Variants in BAHCC1 observed in about 807,000 individuals in gnomAD.
BAHCC1 encodes BAH and coiled-coil domain-containing protein 1.
BAHCC1 carries 43 observed loss-of-function variants against 88.2 expected under a neutral mutation model. That is an observed-to-expected ratio of 0.49 (90% CI 0.38 to 0.63). The LOEUF (loss-of-function observed/expected upper bound fraction) is 0.63. Among genes scored for constraint, BAHCC1 ranks in the 20% least tolerant of loss-of-function variants. BAHCC1 has a pLI of 0.00. For missense variants in BAHCC1, 3,023 were observed against 1,654.8 expected, an observed-to-expected ratio of 1.83 and a Z score of -14.34; for synonymous variants, 1,510 against 745.5, an observed-to-expected ratio of 2.03 and a Z score of -16.71.
intron 2 of BAHCC1, among the ~76,000 whole-genome samples, chr17:81,410,635 G>A (rs1408423250): frequency 3.3e-5 from 5 of 152,208 alleles, no homozygotes; most frequent in African/African-American, 4.8e-5. Flanking sequence ...ACCACGGGCA[G>A]TGCAGACGCT....
intron 17 of BAHCC1, 68 bp downstream of exon 17, chr17:81,457,660 G>C: frequency 1.6e-6 from 1 of 643,062 alleles, no homozygotes; most frequent in Non-Finnish European, 2.9e-6. Flanking sequence ...TAGATAACCA[G>C]GAGGGAGGGC....
chr17:81,446,859 C>G (rs1037977093), intron 10 of BAHCC1, 177 bp from the exon 11 acceptor site: 11 of 669,888 alleles, frequency 1.6e-5, no homozygotes, highest in Non-Finnish European at 3.0e-5. Flanking sequence ...AGCCAGGTTG[C>G]CCCCTTAATT....
In BAHCC1 at chr17:81,411,094, C is replaced by T. The variant is rs1413359535; in HGVS notation, c.178+11177C>T. On this transcript the variant is annotated intron_variant, in intron 2 of 27. Transcript: ENST00000675386. The surrounding 1 kb of genome is among the most constrained non-coding windows in gnomAD (Gnocchi z 6.2). ...GGGTCCCTCTCTCTGGGGTCACGCT[C>T]CCTTGTTCTCAGTCCCGCAGCCGTC... 1 of 519,340 alleles carries T rather than the reference C, an allele frequency of 1.9e-6. No individual in the cohort carries two copies. The highest frequency in any genetic ancestry group is 5.5e-5 in the East Asian group (1 of 18,340). The allele number at this position is 519,340 out of a possible 1,614,324, so 32.2% of individuals were successfully genotyped here.
intron 2 of BAHCC1, among the ~76,000 whole-genome samples, chr17:81,404,442 T>C (rs1389404677): frequency 2.0e-5 from 3 of 152,218 alleles, no homozygotes; most frequent in East Asian, 3.8e-4. Flanking sequence ...GGTCTTGCCC[T>C]GGCCTGGGCC....
At chr17:81,396,269 G>A (rs904602089) in intron 1 of BAHCC1, 1 of 152,188 alleles carries the variant, frequency 6.6e-6, no homozygotes, top group Middle Eastern at 3.2e-3. Context: ...TCGGGTCTTC[G>A]TTCCCAATTC....
intron 2 of BAHCC1, among the ~76,000 whole-genome samples, chr17:81,413,923 T>C (rs782672905): frequency 6.6e-6 from 1 of 152,084 alleles, no homozygotes; most frequent in African/African-American, 2.4e-5. Flanking sequence ...CTGGGTGGGG[T>C]CCGCAGGTGC....
At position 81,447,442 on chromosome 17, in the gene BAHCC1, G is replaced by A. The variant is rs1014580174; in HGVS notation, c.3570G>A (p.Gly1190=). The change falls in exon 11 of 28, where the codon GGG becomes GGA. Residue 1190 remains glycine, a synonymous_variant. Transcript: ENST00000675386. ...GAGAAGAGAGGAGCAGGGAGGAGGG[G>A]GAGCAGGGGCCCTCGTCAGGGGCCT... ...GAREERSREE[G]EQGPSSGASS... 1.2e-5 allele frequency: 9 copies of A among 745,714 alleles called. No homozygotes were observed. The highest frequency in any genetic ancestry group is 1.0e-4 in the African/African-American group (6 of 58,524). The allele number at this position is 745,714 out of a possible 1,614,324, so 46.2% of individuals were successfully genotyped here.
intron 27 of BAHCC1, 107 bp downstream of exon 27, chr17:81,463,083 C>A (rs2030442074): frequency 1.5e-6 from 1 of 650,598 alleles, no homozygotes; most frequent in Admixed American, 2.4e-5. Flanking sequence ...CCCCACCACA[C>A]AGCCCCCGCT....
chr17:81,458,528 C>T (rs1555658112), intron 18 of BAHCC1, 62 bp downstream of exon 18: 3 of 652,556 alleles, frequency 4.6e-6, no homozygotes, highest in Non-Finnish European at 8.5e-6. Flanking sequence ...AAGGCCTTCC[C>T]CGCCCTCCCC....
intron 26 of BAHCC1, 51 bp downstream of exon 26, chr17:81,462,097 G>A: frequency 4.4e-6 from 3 of 685,238 alleles, no homozygotes; most frequent in East Asian, 5.0e-5. Flanking sequence ...GGAAACCGGG[G>A]CGGGCTCATG....
At chr17:81,400,976 A>G (rs1383584703) in intron 2 of BAHCC1, 1 of 152,460 alleles carries the variant, frequency 6.6e-6, no homozygotes, top group African/African-American at 2.4e-5. Context: ...TTTTGTTTAC[A>G]GTTTGTTCTA....
At chr17:81,455,109 G>A (rs1211649994) in intron 14 of BAHCC1, among the ~76,000 whole-genome samples, 158 bp from the exon 15 acceptor site, 4 of 152,170 alleles carry the variant, frequency 2.6e-5, no homozygotes, top group Admixed American at 2.6e-4. Context: ...GAGCTGGCTC[G>A]GCCCCCGGGG....
rs1267379681 is a variant in BAHCC1, at chr17:81,447,867, G to A, written c.3976+19G>A. On this transcript the variant is annotated intron_variant, in intron 11 of 27. Transcript: ENST00000675386. ...GTGCCAGGTAAGCCCGGTGGTTGCC[G>A]CCACCCCCCAGAGTCCCAGCAGTGG... 3 of 718,804 alleles carry A rather than the reference G, an allele frequency of 4.2e-6. No individual in the cohort carries two copies. Among genetic ancestry groups the A allele is most frequent in the Middle Eastern group, 2.3e-4 (1 of 4,352 alleles). The allele number at this position is 718,804 out of a possible 1,614,324, so 44.5% of individuals were successfully genotyped here. A position where few individuals can be genotyped will look rare whatever the true frequency, so the allele number is the denominator to read the frequency against.
chr17:81,451,714 G>A lies in BAHCC1; in HGVS notation c.4023G>A (p.Thr1341=), dbSNP rs117085423. Reference sequence around the variant, plus strand: ...CCTTCAACCTGCAGCACCTGGCCACGCTGGCCACAGCCTGGTCCCTGGTGG... The same window carrying A: ...CCTTCAACCTGCAGCACCTGGCCACACTGGCCACAGCCTGGTCCCTGGTGG... ...VLAFNLQHLA[T]LATAWSLVEA... is the part of the protein sequence containing the mutation. Residue 1341 remains threonine, a synonymous_variant, in exon 12 of 28, where the codon ACG becomes ACA. Coordinates refer to ENST00000675386, the MANE Select transcript of BAHCC1 (RefSeq NM_001377448.1). 870 of 776,610 alleles carry A rather than the reference G, an allele frequency of 1.1e-3. No homozygotes were observed. Among genetic ancestry groups the A allele is most frequent in the Admixed American group, 2.1e-3 (124 of 58,946 alleles). The allele number at this position is 776,610 out of a possible 1,614,324, so 48.1% of individuals were successfully genotyped here.
rs541883433 is a variant in BAHCC1, at chr17:81,437,074, G to A, written c.359-1296G>A. Among the ~76,000 whole-genome samples the A allele has an allele frequency of 6.7e-3, 1,023 of 152,332 alleles. 7 individuals are homozygous for A. The highest frequency in any genetic ancestry group is 0.012 in the Non-Finnish European group (836 of 68,022). On this transcript the variant is annotated intron_variant, in intron 3 of 27. Transcript: ENST00000675386. Reference sequence around the variant, plus strand: ...CTGCTGGGGGACCCACTGGGATTGCGGTGTGGGGTGCCCCAGTTGGACTAG... The same window carrying A: ...CTGCTGGGGGACCCACTGGGATTGCAGTGTGGGGTGCCCCAGTTGGACTAG...
At chr17:81,448,043 G>T (rs1341793319) in intron 11 of BAHCC1, among the ~76,000 whole-genome samples, 195 bp downstream of exon 11, 1 of 152,192 alleles carries the variant, frequency 6.6e-6, no homozygotes, top group Admixed American at 6.5e-5. Context: ...TGCCATCTCC[G>T]AATCTCTCCG....
At chr17:81,429,132 G>A (rs2064232551) in intron 3 of BAHCC1, among the ~76,000 whole-genome samples, 3 of 152,188 alleles carry the variant, frequency 2.0e-5, no homozygotes, top group Admixed American at 2.0e-4. Context: ...AGGTGGGGGT[G>A]GGCACGTGTG....
At chr17:81,418,075 C>T (rs1046705821) in intron 2 of BAHCC1, among the ~76,000 whole-genome samples, 3 of 152,242 alleles carry the variant, frequency 2.0e-5, no homozygotes, top group African/African-American at 7.2e-5. Context: ...GCCAAGGCAC[C>T]CTCAGACACT....
intron 4 of BAHCC1, among the ~76,000 whole-genome samples, chr17:81,441,407 A>C (rs1555652482): frequency 2.6e-5 from 4 of 152,216 alleles, no homozygotes; most frequent in Non-Finnish European, 1.5e-5. Flanking sequence ...TCACGCCTGT[A>C]ATCCCAGTAC....
Sources: allele counts gnomAD v4.1 joint callset (sites outside exome capture counted in the v4.1 genomes callset), GRCh38; gene constraint gnomAD v4.1.1; non-coding constraint Gnocchi (gnomAD v3.1); transcripts MANE v1.5; gene names NCBI Gene and HGNC (gene_info 2026-07-23, HGNC 2026-07-21).